GFRA1: variants seen among roughly 807,000 people sequenced by gnomAD.
GFRA1 encodes the protein GDNF family receptor alpha-1.
GFRA1 carries 16 observed loss-of-function variants against 51.6 expected under a neutral mutation model. The ratio of observed to expected loss-of-function variants is 0.31; its 90% CI spans 0.21 to 0.47. The LOEUF (loss-of-function observed/expected upper bound fraction) is 0.47. Among genes scored for constraint, GFRA1 ranks in the 20% least tolerant of loss-of-function variants. The pLI, the probability that GFRA1 is intolerant of heterozygous loss-of-function variation, is 1.00. For missense variants in GFRA1, 530 were observed against 594.3 expected (o/e 0.89, Z 1.13); for synonymous variants, 270 against 241.3 (o/e 1.12, Z -1.10).
chr10:116,185,438 C>G (rs553365192), intron 5 of GFRA1, among the ~76,000 whole-genome samples: 119 of 152,270 alleles, frequency 7.8e-4, no homozygotes, highest in African/African-American at 2.6e-3. Context: ...CACTCACCAG[C>G]TTCCATGCGT....
chr10:116,196,427 T>A (rs549400828), intron 5 of GFRA1, among the ~76,000 whole-genome samples: 5 of 148,868 alleles, frequency 3.4e-5, no homozygotes, highest in African/African-American at 1.2e-4. Context: ...AGGTGGAGGT[T>A]GCAGTGAGAT....
chr10:116,269,678 A>G, intron 3 of GFRA1, 92 bp from the exon 4 acceptor site: 3 of 781,688 alleles, frequency 3.8e-6, no homozygotes, highest in Non-Finnish European at 6.9e-6. Context: ...TTATGTTATG[A>G]TTGTGTAACA....
In GFRA1 at chr10:116,089,760, G is replaced by C. The variant is rs1471371675; in HGVS notation, c.1178C>G (p.Pro393Arg). 2 of 1,614,058 alleles carry C rather than the reference G, an allele frequency of 1.2e-6. No homozygotes were observed. The highest frequency in any genetic ancestry group is 2.7e-5 in the African/African-American group (2 of 75,032). The change falls in exon 9 of 11, where the codon CCA (proline) becomes CGA (arginine). Residue 393 changes from proline to arginine, a missense_variant. Coordinates refer to ENST00000355422, the MANE Select transcript of GFRA1 (RefSeq NM_005264.8). The stretch of plus-strand genomic sequence containing the variant: ...TCTCACCTGTAAATTTGCACACGGT[G>C]GCAAAACATGAGTGGGAATTTCATT... The part of the protein sequence containing the change: ...SENEIPTHVL[P>R]PCANLQAQKL...
chr10:116,197,712 A>G (rs1964004321), intron 5 of GFRA1, among the ~76,000 whole-genome samples: 1 of 152,218 alleles, frequency 6.6e-6, no homozygotes, highest in South Asian at 2.1e-4. Flanking sequence ...GAAGTGCTAC[A>G]AAGAAATTAA....
At position 116,089,824 on chromosome 10, in the gene GFRA1, G is replaced by T. The variant is rs147029195; in HGVS notation, c.1114C>A (p.Arg372=). The T allele has an allele frequency of 6.2e-7, 1 of 1,613,924 alleles. No homozygotes were observed. The highest frequency in any genetic ancestry group is 1.3e-5 in the African/African-American group (1 of 74,910). ...GGCCCCAGGGGCTTGTTCTTAACCC[G>T]GAGGGCAGTGGTGGTAGTGGCAGTG... ...TTTATTTTAL[R]VKNKPLGPAG... Residue 372 remains arginine (R), a synonymous_variant, in exon 9 of 11, where the codon CGG becomes AGG. Transcript: ENST00000355422.
Position 116,063,939 on chromosome 10 carries a change from TATC to T in GFRA1, c.*456_*458del, listed in dbSNP as rs575769092. 107 of 170,802 alleles carry T rather than the reference TATC, an allele frequency of 6.3e-4. No individual in the cohort carries two copies. The highest frequency in any genetic ancestry group is 2.5e-3 in the African/African-American group (106 of 41,760). The allele number at this position is 170,802 out of a possible 1,614,324, so 10.6% of individuals were successfully genotyped here. A position where few individuals can be genotyped will look rare whatever the true frequency, so the allele number is the denominator to read the frequency against. On this transcript the variant is annotated 3_prime_UTR_variant, in exon 11 of 11. Coordinates refer to ENST00000355422, the MANE Select transcript of GFRA1 (RefSeq NM_005264.8). ...TGGCATCAATGTAGGCTGAAATTTA[TATC>T]ATTAGAAATCAATGTCATTAAAGGA... is the stretch of plus-strand genomic sequence containing the variant.
chr10:116,240,454 C>T (rs370645773), intron 4 of GFRA1, among the ~76,000 whole-genome samples: 19 of 152,300 alleles, frequency 1.2e-4, no homozygotes, highest in African/African-American at 2.6e-4. Context: ...AAATCACATT[C>T]GCAAAGAAGT....
chr10:116,076,141 A>G (rs1182223558), intron 9 of GFRA1, among the ~76,000 whole-genome samples: 4 of 152,134 alleles, frequency 2.6e-5, no homozygotes, highest in African/African-American at 4.8e-5. Context: ...AGTGCTGTCC[A>G]CTACATAGTA....
intron 4 of GFRA1, among the ~76,000 whole-genome samples, chr10:116,236,376 T>C (rs772168449): frequency 5.9e-5 from 9 of 151,944 alleles, no homozygotes; most frequent in Non-Finnish European, 1.0e-4. Context: ...CCCTCTATGC[T>C]CAAAAAGGTT....
In GFRA1 at chr10:116,178,337, G is replaced by A. The variant is rs548246810; in HGVS notation, c.433+33294C>T. 7.3e-4 allele frequency among the ~76,000 whole-genome samples: 110 copies of A among 151,450 alleles called. 2 individuals are homozygous for A. Among genetic ancestry groups the A allele is most frequent in the Admixed American group, 4.7e-3 (72 of 15,220 alleles). ...TACTCCCCTCAAACTCCTACAGTACGTCCTGTCTGTACTGTCTTGTACTGT... is the reference window on the plus strand; with the variant it reads ...TACTCCCCTCAAACTCCTACAGTACATCCTGTCTGTACTGTCTTGTACTGT... On this transcript the variant is annotated intron_variant, in intron 5 of 10. Coordinates refer to ENST00000355422, the MANE Select transcript of GFRA1 (RefSeq NM_005264.8).
In GFRA1 at chr10:116,168,846, G is replaced by A. The variant is rs1384021212; in HGVS notation, c.433+42785C>T. Among the ~76,000 whole-genome samples, 9 of 152,252 alleles carry A rather than the reference G, an allele frequency of 5.9e-5. No homozygotes were observed. In the South Asian group the frequency reaches 6.2e-4, roughly 11 times the overall value. ...CACATCCAGCATGCAGATTATACTC[G>A]TATCAGATTTTCTTTCAAATATAAA... is the stretch of plus-strand genomic sequence containing the variant. On this transcript the variant is annotated intron_variant, in intron 5 of 10. Coordinates refer to ENST00000355422, the MANE Select transcript of GFRA1 (RefSeq NM_005264.8).
Position 116,064,343 on chromosome 10 carries a change from CAG to C in GFRA1, c.*53_*54del. The C allele has an allele frequency of 6.7e-7, 1 of 1,490,464 alleles. No individual in the cohort carries two copies. Among genetic ancestry groups the C allele is most frequent in the Non-Finnish European group, 9.3e-7 (1 of 1,074,014 alleles). 92.3% of individuals were successfully genotyped at this position (1,490,464 alleles called of 1,614,324 possible). On this transcript the variant is annotated 3_prime_UTR_variant, in exon 11 of 11. Transcript: ENST00000355422. Reference sequence around the variant, plus strand: ...TTCAGCTATACAAGAGAACAGGAAACAGATAACTTGGTTTTTGTCTTTTTACA... The same window carrying C: ...TTCAGCTATACAAGAGAACAGGAAACATAACTTGGTTTTTGTCTTTTTACA...
chr10:116,143,449 G>C (rs566696937), intron 5 of GFRA1, among the ~76,000 whole-genome samples: 1 of 152,172 alleles, frequency 6.6e-6, no homozygotes, highest in East Asian at 1.9e-4. Context: ...CCTCCAGGCA[G>C]TCTGCGTAAA....
chr10:116,168,717 C>T (rs1013694534), intron 5 of GFRA1, among the ~76,000 whole-genome samples: 21 of 152,176 alleles, frequency 1.4e-4, no homozygotes, highest in Admixed American at 7.2e-4. Flanking sequence ...GTCTGTCCAG[C>T]AGAGGCCATG....
chr10:116,167,219 C>T (rs1178035540), intron 5 of GFRA1, among the ~76,000 whole-genome samples: 1 of 152,078 alleles, frequency 6.6e-6, no homozygotes, highest in East Asian at 1.9e-4. Flanking sequence ...CCTAATTTGC[C>T]AACGGCTCCA....
At chr10:116,197,058 T>C (rs988363073) in intron 5 of GFRA1, among the ~76,000 whole-genome samples, 2 of 151,730 alleles carry the variant, frequency 1.3e-5, no homozygotes, top group African/African-American at 4.8e-5. Context: ...AGTCCTTGGA[T>C]TTGTGGCCTA....
At chr10:116,152,619 C>T (rs1172734143) in intron 5 of GFRA1, among the ~76,000 whole-genome samples, 2 of 152,198 alleles carry the variant, frequency 1.3e-5, no homozygotes, top group Non-Finnish European at 2.9e-5. Flanking sequence ...TCCCACCAGG[C>T]CCCACCTCCA....
At chr10:116,205,157 T>G (rs1215398745) in intron 5 of GFRA1, among the ~76,000 whole-genome samples, 1 of 152,194 alleles carries the variant, frequency 6.6e-6, no homozygotes, top group Non-Finnish European at 1.5e-5. Flanking sequence ...ACCACTGTCA[T>G]GCAGCACATG....
chr10:116,166,148 A>G (rs754617769), intron 5 of GFRA1, among the ~76,000 whole-genome samples: 1 of 152,224 alleles, frequency 6.6e-6, no homozygotes, highest in Non-Finnish European at 1.5e-5. Context: ...TTATGGGTGC[A>G]TAATATTCCA....
Sources: allele counts gnomAD v4.1 joint callset (sites outside exome capture counted in the v4.1 genomes callset), GRCh38; gene constraint gnomAD v4.1.1; transcripts MANE v1.5; gene names NCBI Gene and HGNC (gene_info 2026-07-23, HGNC 2026-07-21).